The following CUBN variants were observed in gnomAD, a reference collection of about 807,000 sequenced individuals.
CUBN encodes the protein 460 kDa receptor.
Under a neutral mutation model 405.3 loss-of-function variants are expected in CUBN, and 282 were observed. That is an observed-to-expected ratio of 0.70 (90% confidence interval 0.63 to 0.77). The LOEUF (loss-of-function observed/expected upper bound fraction) is 0.77, where lower values mean the gene tolerates loss of function less well. CUBN is among the 30% of genes least tolerant of loss of function. CUBN has a pLI of 0.00. For synonymous variants in CUBN, 1,684 were observed against 1,617.0 expected (o/e 1.04, Z -0.99); for missense variants, 4,514 against 4,475.2 (o/e 1.01, Z -0.25).
intron 36 of CUBN, among the ~76,000 whole-genome samples, chr10:16,944,343 G>T (rs146436764): frequency 1.1e-4 from 16 of 152,176 alleles, no homozygotes; most frequent in African/African-American, 3.4e-4. Flanking sequence ...GTAATAAATG[G>T]TTAAATATAT....
At chr10:16,935,897 G>GAAAAAAAAAA (rs1177814967) in intron 39 of CUBN, among the ~76,000 whole-genome samples, 1 of 104,806 alleles carries the variant, frequency 9.5e-6, no homozygotes, top group African/African-American at 3.7e-5. Flanking sequence ...AAAAAAAAAA[G>GAAAAAAAAAA]AAAAAAAAAA....
At chr10:17,094,727 T>C (rs1198297171) in intron 14 of CUBN, among the ~76,000 whole-genome samples, 1 of 151,982 alleles carries the variant, frequency 6.6e-6, no homozygotes, top group Non-Finnish European at 1.5e-5. Context: ...TTTTGAAAAC[T>C]ATACCACATT....
At chr10:16,993,075 A>G (rs1325156675) in intron 28 of CUBN, among the ~76,000 whole-genome samples, 1 of 152,212 alleles carries the variant, frequency 6.6e-6, no homozygotes, top group African/African-American at 2.4e-5. Context: ...TCGTGTTAAG[A>G]TGTACCACCT....
Position 16,933,293 on chromosome 10 carries a change from T to C in CUBN, c.5927-9A>G, listed in dbSNP as rs1158453489. 1.2e-6 allele frequency: 2 copies of C among 1,612,680 alleles called. No individual in the cohort carries two copies. The highest frequency in any genetic ancestry group is 1.7e-6 in the Non-Finnish European group (2 of 1,179,804). On this transcript the variant is annotated splice_polypyrimidine_tract_variant and intron_variant, in intron 39 of 66. Transcript: ENST00000377833. ...GAAGCCACCACAAGCACCTGTAGAA[T>C]AGAAAGCAACATCTTTGACACAGCC...
intron 17 of CUBN, among the ~76,000 whole-genome samples, chr10:17,078,240 G>A (rs1835893274): frequency 1.3e-5 from 2 of 152,114 alleles, no homozygotes; most frequent in Admixed American, 6.6e-5. Context: ...TCTAGCTCCT[G>A]CCTAACTCAT....
intron 60 of CUBN, among the ~76,000 whole-genome samples, chr10:16,844,277 A>AAAAT (rs1219697711): frequency 6.6e-6 from 1 of 151,534 alleles, no homozygotes; most frequent in African/African-American, 2.4e-5. Context: ...CCCCAAAAAA[A>AAAAT]AAAAAAAAGA....
At position 16,947,428 on chromosome 10, in the gene CUBN, T is replaced by C. The variant is rs2271466; in HGVS notation, c.5210-61A>G. The C allele has an allele frequency of 0.12, 182,585 of 1,566,868 alleles. 20,059 individuals carry two copies. Among genetic ancestry groups the C allele is most frequent in the African/African-American group, 0.53 (38,870 of 73,992 alleles). ...AAAGACTGCATCAGACACTATAAAA[T>C]AAAGGAGAAAGAACGCTAGAGCCAT... On this transcript the variant is annotated intron_variant, in intron 35 of 66. Coordinates refer to ENST00000377833, the MANE Select transcript of CUBN (RefSeq NM_001081.4).
At chr10:17,009,355 C>A (rs1834114400) in intron 28 of CUBN, among the ~76,000 whole-genome samples, 1 of 152,134 alleles carries the variant, frequency 6.6e-6, no homozygotes, top group African/African-American at 2.4e-5. Flanking sequence ...TTGACTCTCC[C>A]AAAGGAAGAC....
intron 8 of CUBN, 23 bp downstream of exon 8, chr10:17,114,004 G>A (rs1201680694): frequency 1.3e-5 from 21 of 1,609,404 alleles, no homozygotes; most frequent in Non-Finnish European, 1.8e-5. Context: ...TGCAGAGCCT[G>A]GCTTGTGGCC....
chr10:16,971,100 G>A (rs1687695), intron 31 of CUBN, among the ~76,000 whole-genome samples: 124,328 of 152,156 alleles, frequency 0.82, 51,198 homozygotes, highest in Non-Finnish European at 0.87. Context: ...CTTGAACTCT[G>A]TTAAAAATCT....
In CUBN at chr10:17,043,809, G is replaced by T. The variant is rs762916716; in HGVS notation, c.3829+18C>A. 6.2e-7 allele frequency: 1 copy of T among 1,611,718 alleles called. No individual in the cohort carries two copies. The highest frequency in any genetic ancestry group is 1.1e-5 in the South Asian group (1 of 90,976). ...CTCTGCCAGTATACACACTTACTCT[G>T]CCGGTATTCACACTTACTCTGCCGG... On this transcript the variant is annotated intron_variant, in intron 26 of 66. Coordinates refer to ENST00000377833, the MANE Select transcript of CUBN (RefSeq NM_001081.4).
chr10:16,913,878 C>T lies in CUBN; in HGVS notation c.7466G>A (p.Arg2489Gln), dbSNP rs777113034. The T allele has an allele frequency of 1.4e-5, 22 of 1,613,934 alleles. No individual in the cohort carries two copies. The highest frequency in any genetic ancestry group is 1.7e-5 in the Admixed American group (1 of 59,990). The change falls in exon 48 of 67, where the codon CGG (arginine) becomes CAG (glutamine). Residue 2489 changes from arginine to glutamine, a missense_variant. Physicochemically the swap from Arg to Gln is conservative, Grantham distance 43. Around this residue, in one of 5 missense-constraint regions of CUBN, gnomAD observed 1,613 missense variants for 1,542.8 expected, o/e 1.05. Transcript: ENST00000377833. ...EWRITAPEGRRITLMFNNLRL... is the reference protein window; with the variant it reads ...EWRITAPEGRQITLMFNNLRL... ...CAGGTTGTTAAACATTAGGGTGATCCGCCTTCCCTCCGGGGCAGTGATTCT... is the reference window on the plus strand; with the variant it reads ...CAGGTTGTTAAACATTAGGGTGATCTGCCTTCCCTCCGGGGCAGTGATTCT...
At chr10:16,966,852 A>G (rs1010599909) in intron 31 of CUBN, among the ~76,000 whole-genome samples, 2 of 152,204 alleles carry the variant, frequency 1.3e-5, no homozygotes, top group African/African-American at 2.4e-5. Flanking sequence ...TAAGACATTT[A>G]GGGCACAGGA....
At chr10:16,940,545 G>A (rs952338511) in intron 36 of CUBN, among the ~76,000 whole-genome samples, 4 of 152,186 alleles carry the variant, frequency 2.6e-5, no homozygotes, top group African/African-American at 9.6e-5. Context: ...TTATAAAGTG[G>A]CGTTTAAGAA....
rs565819613 is a variant in CUBN, at chr10:16,893,186, T to C, written c.8599-2659A>G. ...TTCAGTCAGGTTGTAGGTTATATTT[T>C]ATCATTCAACTATTTTTTAAACAAA... is the stretch of plus-strand genomic sequence containing the variant. On this transcript the variant is annotated intron_variant, in intron 54 of 66. Coordinates refer to ENST00000377833, the MANE Select transcript of CUBN (RefSeq NM_001081.4). 3.3e-5 allele frequency among the ~76,000 whole-genome samples: 5 copies of C among 152,348 alleles called. No homozygotes were observed. The East Asian group carries it at 7.7e-4, about 23-fold the overall frequency.
intron 2 of CUBN, among the ~76,000 whole-genome samples, chr10:17,128,299 G>A (rs1447649668): frequency 6.6e-6 from 1 of 152,150 alleles, no homozygotes; most frequent in East Asian, 1.9e-4. Flanking sequence ...TTTACCTCTT[G>A]TAAAACTAGG....
intron 40 of CUBN, 28 bp from the exon 41 acceptor site, chr10:16,928,331 A>G (rs2131586813): frequency 6.2e-7 from 1 of 1,612,392 alleles, no homozygotes; most frequent in Admixed American, 1.7e-5. Context: ...GAACAACATG[A>G]AAATACATCT....
rs565581653 is a variant in CUBN, at chr10:17,116,560, G to A, written c.594-963C>T. Among the ~76,000 whole-genome samples the A allele has an allele frequency of 9.5e-4, 145 of 152,332 alleles. 2 individuals are homozygous for A. The South Asian group carries it at 0.023, about 24-fold the overall frequency. On this transcript the variant is annotated intron_variant, in intron 6 of 66. Coordinates refer to ENST00000377833, the MANE Select transcript of CUBN (RefSeq NM_001081.4). ...GAGACAAGGAACAGGGCGTGCCTGC[G>A]TGGCCAGGCCTCCCTCCCATGCCAT...
chr10:17,050,753 C>T (rs1337335883), intron 22 of CUBN, among the ~76,000 whole-genome samples: 1 of 152,108 alleles, frequency 6.6e-6, no homozygotes, highest in Non-Finnish European at 1.5e-5. Flanking sequence ...GAGTAGGGCT[C>T]TCTAGAACTT....
Sources: allele counts gnomAD v4.1 joint callset (sites outside exome capture counted in the v4.1 genomes callset), GRCh38; gene constraint gnomAD v4.1.1; regional missense constraint gnomAD v4.1.1; transcripts MANE v1.5; gene names NCBI Gene and HGNC (gene_info 2026-07-23, HGNC 2026-07-21).